RYR1: variants seen among roughly 807,000 people sequenced by gnomAD.
The protein encoded by RYR1 is central core disease of muscle.
In RYR1, 342 loss-of-function variants were observed where a neutral mutation model predicts 583.5. The ratio of observed to expected loss-of-function variants is 0.59; its 90% CI spans 0.54 to 0.64. RYR1 has a LOEUF of 0.64. Ranked by LOEUF, RYR1 falls within the 30% of genes least tolerant of loss-of-function variation. The pLI is 0.00. For synonymous variants in RYR1, 2,791 were observed against 2,822.5 expected, an observed-to-expected ratio of 0.99 and a Z score of 0.35; for missense variants, 6,032 against 6,917.2, an observed-to-expected ratio of 0.87 and a Z score of 4.54.
rs767536592 is a variant in RYR1, at chr19:38,512,117, G to A, written c.9218G>A (p.Arg3073His). 8 of 1,614,058 alleles carry A rather than the reference G, an allele frequency of 5.0e-6. No individual in the cohort carries two copies. The highest frequency in any genetic ancestry group is 4.5e-5 in the East Asian group (2 of 44,880). The change falls in exon 62 of 106, where the codon CGC becomes CAC. Residue 3073 changes from arginine to histidine, a missense_variant. Physicochemically the swap from Arg to His is conservative, Grantham distance 29 (BLOSUM62 0). Coordinates refer to ENST00000359596, the MANE Select transcript of RYR1 (RefSeq NM_000540.3). This position sits in a 1 kb window ranked among gnomAD's most constrained non-coding sequence, Gnocchi z 5.1. ...GTCAACTGTCTTCACATCCTGGCCC[G>A]CTCCCTGGATGCCAGGTAGGGCCAT... ...AVVNCLHILA[R>H]SLDARTVMKS...
At chr19:38,516,248 G>A (rs1463148160) in intron 65 of RYR1, 31 bp downstream of exon 65, 1 of 1,576,044 alleles carries the variant, frequency 6.3e-7, no homozygotes, top group Non-Finnish European at 8.6e-7. Context: ...GCAGTGCTGG[G>A]AGTCCAAATC....
chr19:38,487,460 T>TCCA (rs1969351706), intron 34 of RYR1, among the ~76,000 whole-genome samples: 1 of 151,990 alleles, frequency 6.6e-6, no homozygotes, highest in Admixed American at 6.6e-5. Flanking sequence ...TTCAAGAGAT[T>TCCA]CTTCTGCCTC....
rs377080876 is a variant in RYR1 at position 38,499,126 on chromosome 19, G to C, written c.6910G>C (p.Gly2304Arg). ...CCCCCAGGTTGTGTCCTACCTGGCA[G>C]GCTGTGGCCTCCAGAGCTGCCCCAT... The part of the protein sequence containing the change: ...DLEKVVSYLA[G>R]CGLQSCPMLV... The change falls in exon 43 of 106, where the codon GGC becomes CGC. Residue 2304 changes from glycine (G) to arginine (R), a missense_variant. By Grantham distance (125) the Gly-to-Arg change is moderately radical. This residue lies in a region of RYR1 where 2,627 missense variants were observed against 2,961.3 expected (regional missense o/e 0.89). Coordinates refer to ENST00000359596, the MANE Select transcript of RYR1 (RefSeq NM_000540.3). This position sits in a 1 kb window ranked among gnomAD's most constrained non-coding sequence, Gnocchi z 7.3. 2 of 1,614,038 alleles carry C rather than the reference G, an allele frequency of 1.2e-6. No individual in the cohort carries two copies. Among genetic ancestry groups the C allele is most frequent in the Non-Finnish European group, 1.7e-6 (2 of 1,180,020 alleles).
Position 38,466,126 on chromosome 19 carries a change from T to C in RYR1, c.2906T>C (p.Leu969Pro). The change falls in exon 24 of 106, where the codon CTG (leucine) becomes CCG (proline). Residue 969 changes from leucine (L) to proline (P), a missense_variant. By Grantham distance (98) the Leu-to-Pro change is moderately conservative (BLOSUM62 -3). Transcript: ENST00000359596. ...AGCAATGGGTACAAGCCGGCTCCGC[T>C]GGACCTGAGCCACGTGCGGCTGACG... ...MMSNGYKPAP[L>P]DLSHVRLTPA... is the part of the protein sequence containing the mutation. 6.2e-7 allele frequency: 1 copy of C among 1,613,080 alleles called. No homozygotes were observed. Among genetic ancestry groups the C allele is most frequent in the Non-Finnish European group, 8.5e-7 (1 of 1,179,702 alleles).
intron 95 of RYR1, among the ~76,000 whole-genome samples, chr19:38,572,922 T>A (rs2013642162): frequency 1.7e-5 from 2 of 118,618 alleles, no homozygotes; most frequent in Admixed American, 8.4e-5. Flanking sequence ...CCCTGACCCC[T>A]CTATCTATGC....
chr19:38,482,795 C>T (rs189274149), intron 31 of RYR1, among the ~76,000 whole-genome samples: 1 of 152,142 alleles, frequency 6.6e-6, no homozygotes, highest in East Asian at 1.9e-4. Flanking sequence ...AGGGCATTCC[C>T]AGTGCGGGGT....
intron 92 of RYR1, 89 bp downstream of exon 92, chr19:38,567,076 C>G: frequency 6.5e-7 from 1 of 1,539,766 alleles, no homozygotes; most frequent in South Asian, 1.2e-5. Context: ...CCAAGGCTGT[C>G]CTGGCCACCC....
Position 38,572,171 on chromosome 19 carries a change from G to A in RYR1, c.13899G>A (p.Leu4633=), listed in dbSNP as rs1280134766. 2.5e-6 allele frequency: 4 copies of A among 1,613,962 alleles called. No individual in the cohort carries two copies. Among genetic ancestry groups the A allele is most frequent in the Non-Finnish European group, 3.4e-6 (4 of 1,180,010 alleles). ...DEDENMVYYF[L]EESTGYMEPA... ...ATGAGAACATGGTGTACTACTTCCT[G>A]GAGGAAAGCACAGGCTACATGGAAC... is the stretch of plus-strand genomic sequence containing the variant. The change falls in exon 95 of 106, where the codon CTG becomes CTA. Residue 4633 remains leucine (L), a synonymous_variant. Transcript: ENST00000359596.
chr19:38,459,890 C>T lies in RYR1; in HGVS notation c.2361-485C>T, dbSNP rs535912476. Among the ~76,000 whole-genome samples the T allele has an allele frequency of 7.2e-5, 11 of 152,292 alleles. No homozygotes were observed. In the East Asian group the frequency reaches 1.5e-3, roughly 21 times the overall value. On this transcript the variant is annotated intron_variant, in intron 19 of 105. Transcript: ENST00000359596. ...CAGACTTGCCCAGTGACCCTGCTCC[C>T]GAATAACCCCATTTATTCCAAAGAC...
intron 76 of RYR1, among the ~76,000 whole-genome samples, chr19:38,530,499 A>T (rs1029285839): frequency 5.3e-5 from 8 of 150,868 alleles, no homozygotes; most frequent in African/African-American, 2.0e-4. Context: ...CAAACTCCTG[A>T]ACTCAAGCAA....
chr19:38,499,308 G>A lies in RYR1; in HGVS notation c.7027+65G>A. 1 of 1,611,768 alleles carries A rather than the reference G, an allele frequency of 6.2e-7. No homozygotes were observed. Among genetic ancestry groups the A allele is most frequent in the Non-Finnish European group, 8.5e-7 (1 of 1,178,264 alleles). ...GTCACTGGTCACACACCTCCCTCGA[G>A]ATGACTGCTCGCACCCTGAGCCACA... On this transcript the variant is annotated intron_variant, in intron 43 of 105. Transcript: ENST00000359596. This position sits in a 1 kb window ranked among gnomAD's most constrained non-coding sequence, Gnocchi z 7.3.
intron 84 of RYR1, among the ~76,000 whole-genome samples, chr19:38,541,606 C>A (rs181521321): frequency 2.8e-4 from 31 of 109,124 alleles, no homozygotes; most frequent in Admixed American, 2.0e-3. Flanking sequence ...ATCCCAGCTA[C>A]TCAGGAGGCT....
intron 93 of RYR1, among the ~76,000 whole-genome samples, chr19:38,569,041 C>T (rs546471715): frequency 1.4e-4 from 21 of 151,600 alleles, no homozygotes; most frequent in South Asian, 6.2e-4. Flanking sequence ...GACGGAGTCT[C>T]GCTCTGTTGC....
Position 38,494,479 on chromosome 19 carries a change from G to A in RYR1, c.6402G>A (p.Leu2134=), listed in dbSNP as rs774086549. ...GGCAGTACGACGGGCTGGGTGAGCTGCTGCGTGCCCTGCCGCGGGCGTACA... is the reference window on the plus strand; with the variant it reads ...GGCAGTACGACGGGCTGGGTGAGCTACTGCGTGCCCTGCCGCGGGCGTACA... The part of the protein sequence containing the change: ...LHRQYDGLGE[L]LRALPRAYTI... The change falls in exon 39 of 106, where the codon CTG becomes CTA. Residue 2134 remains leucine (L), a synonymous_variant. Transcript: ENST00000359596. The A allele has an allele frequency of 2.9e-5, 47 of 1,613,040 alleles. No individual in the cohort carries two copies. The highest frequency in any genetic ancestry group is 4.0e-5 in the Non-Finnish European group (47 of 1,180,018).
intron 16 of RYR1, among the ~76,000 whole-genome samples, chr19:38,456,068 T>A (rs1967366688): frequency 6.8e-6 from 1 of 146,384 alleles, no homozygotes; most frequent in Non-Finnish European, 1.5e-5. Flanking sequence ...GCCTCCTGGG[T>A]TCAAGCGATT....
chr19:38,535,956 G>T lies in RYR1; in HGVS notation c.11517-41G>T, dbSNP rs201032965. On this transcript the variant is annotated intron_variant, in intron 81 of 105. Transcript: ENST00000359596. ...GGCCCTGGGAGAGAGGAGGGCAGAG[G>T]CTTCATCACATACCCCCTATCTTTC... 4 of 1,585,852 alleles carry T rather than the reference G, an allele frequency of 2.5e-6. No homozygotes were observed. The East Asian group carries it at 6.7e-5, about 27-fold the overall frequency.
intron 58 of RYR1, 54 bp from the exon 59 acceptor site, chr19:38,510,444 C>A: frequency 6.3e-7 from 1 of 1,591,456 alleles, no homozygotes. Context: ...CATCAGAACA[C>A]CCTGGGTTCC....
intron 96 of RYR1, among the ~76,000 whole-genome samples, chr19:38,574,196 G>C (rs1015895934): frequency 6.7e-6 from 1 of 150,344 alleles, no homozygotes; most frequent in Non-Finnish European, 1.5e-5. Flanking sequence ...CGAGGTGGAG[G>C]TTGCAGTGAG....
chr19:38,577,963 G>A lies in RYR1; in HGVS notation c.14218G>A (p.Glu4740Lys). 6.2e-7 allele frequency: 1 copy of A among 1,614,080 alleles called. No homozygotes were observed. The highest frequency in any genetic ancestry group is 1.1e-5 in the South Asian group (1 of 91,068). The change falls in exon 98 of 106, where the codon GAG becomes AAG. Residue 4740 changes from glutamate (E) to lysine (K), a missense_variant. By Grantham distance (56) the Glu-to-Lys change is moderately conservative. This residue lies in a region of RYR1 where 188 missense variants were observed against 215.6 expected (regional missense o/e 0.87). Coordinates refer to ENST00000359596, the MANE Select transcript of RYR1 (RefSeq NM_000540.3). ...GDIYGRERIA[E>K]LLGMDLATLE... is the part of the protein sequence containing the mutation. Reference sequence around the variant, plus strand: ...CATCTACGGGCGGGAGCGGATTGCTGAGCTACTGGGCATGGACCTGGCCAC... The same window carrying A: ...CATCTACGGGCGGGAGCGGATTGCTAAGCTACTGGGCATGGACCTGGCCAC...
Sources: gnomAD v4.1 joint callset for allele counts (sites outside exome capture counted in the v4.1 genomes callset) on GRCh38, gnomAD v4.1.1 for gene constraint, gnomAD v4.1.1 regional missense constraint, Gnocchi (gnomAD v3.1) non-coding constraint, MANE v1.5 for transcripts, NCBI Gene and HGNC (gene_info 2026-07-23, HGNC 2026-07-21) for gene names.